LGI2: variants seen among roughly 807,000 people sequenced by gnomAD.
The protein encoded by LGI2 is leucine-rich repeat LGI family member 2.
A neutral mutation model predicts 52.0 loss-of-function variants in LGI2; 30 were observed. The ratio of observed to expected loss-of-function variants is 0.58; its 90% CI spans 0.43 to 0.78. LGI2 has a LOEUF of 0.78. Ranked by LOEUF, LGI2 falls within the 30% of genes least tolerant of loss-of-function variation. The pLI is 0.00. For missense variants in LGI2, 573 were observed against 692.5 expected (o/e 0.83, Z 1.94); for synonymous variants, 270 against 271.8 (o/e 0.99, Z 0.06).
In LGI2 at chr4:25,002,643, A is replaced by G. The variant is rs1725281883; in HGVS notation, c.*808T>C. 6.6e-6 allele frequency: 1 copy of G among 152,662 alleles called. No homozygotes were observed. The highest frequency in any genetic ancestry group is 1.5e-5 in the Non-Finnish European group (1 of 68,046). The allele number at this position is 152,662 out of a possible 1,614,324, so 9.5% of individuals were successfully genotyped here. On this transcript the variant is annotated 3_prime_UTR_variant, in exon 8 of 8. Coordinates refer to ENST00000382114, the MANE Select transcript of LGI2 (RefSeq NM_018176.4). ...TTGGCCTGCCTGCTGGTTACCCACA[A>G]ACTCAACGGGTGGGTTCTGAGAAGC...
chr4:25,019,270 T>A, intron 4 of LGI2, 32 bp from the exon 5 acceptor site: 1 of 1,411,830 alleles, frequency 7.1e-7, no homozygotes, highest in Non-Finnish European at 1.0e-6. Context: ...GCAATGTGAT[T>A]ATTATCTCAT....
chr4:25,019,113 A>T (rs891853474), intron 5 of LGI2, 54 bp downstream of exon 5: 18 of 1,089,778 alleles, frequency 1.7e-5, no homozygotes, highest in Non-Finnish European at 2.1e-5. Context: ...ATTGAAAGAC[A>T]TGATTAACTG....
chr4:24,994,550 A>G (rs1725002510), downstream of LGI2, among the ~76,000 whole-genome samples: 1 of 152,026 alleles, frequency 6.6e-6, no homozygotes, highest in African/African-American at 2.4e-5. Flanking sequence ...GCTAAAACCA[A>G]TCTCACTCTC....
intron 4 of LGI2, among the ~76,000 whole-genome samples, chr4:25,021,488 C>T (rs1034078464): frequency 3.9e-5 from 6 of 152,300 alleles, no homozygotes; most frequent in Non-Finnish European, 5.9e-5. Flanking sequence ...TAGGAACTTC[C>T]GTAAGCACGG....
At chr4:25,015,609 G>A (rs958087396) in intron 6 of LGI2, among the ~76,000 whole-genome samples, 4 of 152,172 alleles carry the variant, frequency 2.6e-5, no homozygotes, top group African/African-American at 9.7e-5. Flanking sequence ...TTCAGAAAAT[G>A]TGCTTCTTTC....
intron 6 of LGI2, among the ~76,000 whole-genome samples, chr4:25,016,277 G>A (rs1033661656): frequency 2.0e-5 from 3 of 152,158 alleles, no homozygotes; most frequent in Non-Finnish European, 4.4e-5. Context: ...GTTTCTCCAC[G>A]CTATGGCCAG....
At chr4:24,994,647 C>T (rs1326049646), downstream of LGI2, among the ~76,000 whole-genome samples, 7 of 152,248 alleles carry the variant, frequency 4.6e-5, no homozygotes, top group African/African-American at 1.4e-4. Flanking sequence ...ATGTGTGTTT[C>T]GGGGGTCGGT....
chr4:25,011,612 G>A (rs1397472113), intron 7 of LGI2, among the ~76,000 whole-genome samples: 1 of 152,192 alleles, frequency 6.6e-6, no homozygotes, highest in African/African-American at 2.4e-5. Context: ...GGCCACATCA[G>A]GAACCTCTAA....
rs1236952078 is a variant in LGI2, at chr4:25,030,477, G to A, written c.197+20C>T. On this transcript the variant is annotated intron_variant, in intron 1 of 7. Transcript: ENST00000382114. ...CAGGGTGGGGCGGGACGGGATGGGG[G>A]CTGGAGGGGTCCCACTCACAGGGAG... is the stretch of plus-strand genomic sequence containing the variant. 8 of 1,569,200 alleles carry A rather than the reference G, an allele frequency of 5.1e-6. No individual in the cohort carries two copies. In the African/African-American group the frequency reaches 6.7e-5, roughly 13 times the overall value.
At chr4:25,022,948 C>A (rs529771722) in intron 4 of LGI2, among the ~76,000 whole-genome samples, 1 of 152,358 alleles carries the variant, frequency 6.6e-6, no homozygotes, top group Non-Finnish European at 1.5e-5. Flanking sequence ...TGTTCCTCTT[C>A]AGACACCCAC....
intron 7 of LGI2, among the ~76,000 whole-genome samples, chr4:25,011,223 G>A (rs1458117453): frequency 1.3e-5 from 2 of 152,160 alleles, no homozygotes; most frequent in East Asian, 3.9e-4. Flanking sequence ...AGGACAAAGG[G>A]GGAAGCACAA....
intron 2 of LGI2, among the ~76,000 whole-genome samples, chr4:25,027,834 T>C (rs774534207): frequency 3.3e-4 from 51 of 152,362 alleles, no homozygotes; most frequent in Non-Finnish European, 6.3e-4. Context: ...TCAGCACACA[T>C]TACCCAGCCT....
Position 25,001,170 on chromosome 4 carries a change from C to T in LGI2, c.*2281G>A, listed in dbSNP as rs1725230220. ...ACAGCTCTCCCCATCCTAAGCCCAGCATCCTGTGTTTCCTGGTTTCCCAGA... is the reference window on the plus strand; with the variant it reads ...ACAGCTCTCCCCATCCTAAGCCCAGTATCCTGTGTTTCCTGGTTTCCCAGA... On this transcript the variant is annotated 3_prime_UTR_variant, in exon 8 of 8. Coordinates refer to ENST00000382114, the MANE Select transcript of LGI2 (RefSeq NM_018176.4). The T allele has an allele frequency of 6.6e-6, 1 of 152,292 alleles. No individual in the cohort carries two copies. Among genetic ancestry groups the T allele is most frequent in the Admixed American group, 6.5e-5 (1 of 15,284 alleles). 9.4% of individuals were successfully genotyped at this position (152,292 alleles called of 1,614,324 possible). A position where few individuals can be genotyped will look rare whatever the true frequency, so the allele number is the denominator to read the frequency against.
At chr4:25,023,528 G>A (rs61694607) in intron 4 of LGI2, among the ~76,000 whole-genome samples, 39,593 of 152,126 alleles carry the variant, frequency 0.26, 5,534 homozygotes, top group Middle Eastern at 0.41. Context: ...AGAATCAAGT[G>A]TTTGCTTGGC....
At position 25,000,549 on chromosome 4, in the gene LGI2, C is replaced by T. The variant is rs1725205828; in HGVS notation, c.*2902G>A. On this transcript the variant is annotated 3_prime_UTR_variant, in exon 8 of 8. Transcript: ENST00000382114. ...CATGTCTAAGAGTTATTTTTAGAGT[C>T]TTGATAATAGACCCATTCCCGACCC... The T allele has an allele frequency of 6.6e-6, 1 of 152,244 alleles. No individual in the cohort carries two copies. The highest frequency in any genetic ancestry group is 2.1e-4 in the South Asian group (1 of 4,834). The allele number at this position is 152,244 out of a possible 1,614,324, so 9.4% of individuals were successfully genotyped here.
downstream of LGI2, among the ~76,000 whole-genome samples, chr4:24,996,453 T>C (rs1577538926): frequency 1.3e-5 from 2 of 152,142 alleles, no homozygotes; most frequent in East Asian, 3.8e-4. Context: ...AAACTAGAAA[T>C]AAAAATATTT....
intron 4 of LGI2, among the ~76,000 whole-genome samples, chr4:25,022,835 G>A (rs531792346): frequency 3.9e-5 from 6 of 152,324 alleles, no homozygotes; most frequent in African/African-American, 7.2e-5. Context: ...AACTCAGCCC[G>A]TCACATGGGC....
chr4:25,019,323 A>T (rs1725874244), intron 4 of LGI2, 85 bp from the exon 5 acceptor site: 1 of 856,906 alleles, frequency 1.2e-6, no homozygotes, highest in African/African-American at 1.7e-5. Flanking sequence ...CTGTTGACTT[A>T]TAGCACGGCT....
chr4:25,020,677 A>T (rs115657894), intron 4 of LGI2, among the ~76,000 whole-genome samples: 1,646 of 152,314 alleles, frequency 0.011, 33 homozygotes, highest in African/African-American at 0.037. Flanking sequence ...GACTCTTCCT[A>T]CCTAGAGTCG....
Sources: allele counts gnomAD v4.1 joint callset (sites outside exome capture counted in the v4.1 genomes callset), GRCh38; gene constraint gnomAD v4.1.1; transcripts MANE v1.5; gene names NCBI Gene and HGNC (gene_info 2026-07-23, HGNC 2026-07-21).